Variants in H2AZ1 observed in about 807,000 individuals in gnomAD.
H2AZ1 encodes histone H2A.Z.
In H2AZ1, 3 loss-of-function variants were observed where a neutral mutation model predicts 16.6. The observed-to-expected ratio is 0.18, with a 90% CI of 0.08 to 0.47. The LOEUF is 0.47. Ranked by LOEUF, H2AZ1 falls within the 20% of genes least tolerant of loss-of-function variation. H2AZ1 has a pLI of 0.98. For missense variants in H2AZ1, 27 were observed against 163.6 expected, an observed-to-expected ratio of 0.17 and a Z score of 4.55; for synonymous variants, 78 against 60.7, an observed-to-expected ratio of 1.28 and a Z score of -1.32.
chr4:99,949,473 C>T (rs755657593), intron 2 of H2AZ1, 87 bp from the exon 3 acceptor site: 14 of 1,037,872 alleles, frequency 1.3e-5, no homozygotes, highest in Non-Finnish European at 2.1e-5. Context: ...GCAAGGGGCA[C>T]GGGCGCAGCA....
In H2AZ1 at chr4:99,948,563, T is replaced by A. The variant is rs190024711; in HGVS notation, c.326-40A>T. The A allele has an allele frequency of 1.3e-4, 206 of 1,604,952 alleles. No homozygotes were observed. The East Asian group carries it at 3.4e-3, about 26-fold the overall frequency. On this transcript the variant is annotated intron_variant, in intron 4 of 4. Coordinates refer to ENST00000296417, the MANE Select transcript of H2AZ1 (RefSeq NM_002106.4). ...GGAATTAATTCTACTTAAGATTTTT[T>A]AAAAAATCACAGTATTTGAAACCAA... is the stretch of plus-strand genomic sequence containing the variant.
chr4:99,949,429 G>T (rs771102298), intron 2 of H2AZ1, 43 bp from the exon 3 acceptor site: 17 of 1,297,132 alleles, frequency 1.3e-5, no homozygotes, highest in Non-Finnish European at 1.6e-5. Context: ...ACAAAAATGA[G>T]AACTAGAGAT....
At position 99,950,060 on chromosome 4, in the gene H2AZ1, T is replaced by C. The variant is rs112383138; in HGVS notation, c.3+108A>G. 1.0e-4 allele frequency: 107 copies of C among 1,064,850 alleles called. No individual in the cohort carries two copies. The East Asian group carries it at 2.3e-3, about 23-fold the overall frequency. The allele number at this position is 1,064,850 out of a possible 1,614,324, so 66.0% of individuals were successfully genotyped here. A position where few individuals can be genotyped will look rare whatever the true frequency, so the allele number is the denominator to read the frequency against. ...TCCCCCCACTCTTCTAAATCCTGTC[T>C]CCGCGCGTTCCCAACCGTCGCCACT... is the stretch of plus-strand genomic sequence containing the variant. On this transcript the variant is annotated intron_variant, in intron 1 of 4. Coordinates refer to ENST00000296417, the MANE Select transcript of H2AZ1 (RefSeq NM_002106.4).
Position 99,948,526 on chromosome 4 carries a change from A to G in H2AZ1, c.326-3T>C, listed in dbSNP as rs569620023. On this transcript the variant is annotated splice_region_variant and splice_polypyrimidine_tract_variant and intron_variant, in intron 4 of 4. Coordinates refer to ENST00000296417, the MANE Select transcript of H2AZ1 (RefSeq NM_002106.4). ...TTTGTGGATGTGTGGAATGACACCT[A>G]GGAGAGTGACAGGAATTAATTCTAC... The G allele has an allele frequency of 2.1e-5, 34 of 1,611,326 alleles. 1 individual carries two copies. The South Asian group carries it at 3.1e-4, about 15-fold the overall frequency.
chr4:99,949,567 C>T (rs1344007778), intron 2 of H2AZ1, 96 bp downstream of exon 2: 1 of 1,189,202 alleles, frequency 8.4e-7, no homozygotes, highest in Non-Finnish European at 1.3e-6. Context: ...GCATCACCCA[C>T]GCATACACAA....
rs760924394 is a variant in H2AZ1 at position 99,948,875 on chromosome 4, C to T, written c.261G>A (p.Leu87=). ...LKVKRITPRH[L]QLAIRGDEEL... ...CTTCATCTCCACGAATAGCAAGTTG[C>T]AAGTGACGAGGGGTAATACGCTTTA... is the stretch of plus-strand genomic sequence containing the variant. The change falls in exon 4 of 5, where the codon TTG becomes TTA. Residue 87 remains leucine, a synonymous_variant. Coordinates refer to ENST00000296417, the MANE Select transcript of H2AZ1 (RefSeq NM_002106.4). 1.5e-5 allele frequency: 25 copies of T among 1,613,474 alleles called. No individual in the cohort carries two copies. The highest frequency in any genetic ancestry group is 2.1e-5 in the Non-Finnish European group (25 of 1,179,542).
At chr4:99,949,478 G>T (rs759022301) in intron 2 of H2AZ1, 92 bp from the exon 3 acceptor site, 1 of 1,006,618 alleles carries the variant, frequency 9.9e-7, no homozygotes, top group Non-Finnish European at 1.6e-6. Flanking sequence ...GGGCACGGGC[G>T]CAGCAACGCG....
At chr4:99,949,408 A>C in intron 2 of H2AZ1, 22 bp from the exon 3 acceptor site, 2 of 1,415,138 alleles carry the variant, frequency 1.4e-6, no homozygotes, top group Non-Finnish European at 2.0e-6. Flanking sequence ...AGCATACACA[A>C]ACATAAATGC....
chr4:99,949,273 C>T lies in H2AZ1; in HGVS notation c.195G>A (p.Glu65=). The T allele has an allele frequency of 6.4e-7, 1 of 1,574,620 alleles. No individual in the cohort carries two copies. Among genetic ancestry groups the T allele is most frequent in the Non-Finnish European group, 8.7e-7 (1 of 1,145,668 alleles). The change falls in exon 3 of 5, where the codon GAG becomes GAA. Residue 65 remains glutamate (E), a splice_region_variant and synonymous_variant. Coordinates refer to ENST00000296417, the MANE Select transcript of H2AZ1 (RefSeq NM_002106.4). ...GGATTATAGGCGTTCACCCATTTAC[C>T]TCTGCGGTGAGGTACTCCAGGATGG... ...SAAILEYLTA[E]VLELAGNASK...
chr4:99,950,127 C>CA, intron 1 of H2AZ1, 41 bp downstream of exon 1: 4 of 1,603,604 alleles, frequency 2.5e-6, no homozygotes, highest in Non-Finnish European at 3.4e-6. Flanking sequence ...CTCTCGCCGG[C>CA]AAAAACCCGC....
At position 99,949,837 on chromosome 4, in the gene H2AZ1, AGC is replaced by A. The variant is rs982288843; in HGVS notation, c.4-99_4-98del. 3 of 953,304 alleles carry A rather than the reference AGC, an allele frequency of 3.1e-6. No homozygotes were observed. In the African/African-American group the frequency reaches 5.0e-5, roughly 16 times the overall value. The allele number at this position is 953,304 out of a possible 1,614,324, so 59.1% of individuals were successfully genotyped here. A position where few individuals can be genotyped will look rare whatever the true frequency, so the allele number is the denominator to read the frequency against. On this transcript the variant is annotated intron_variant, in intron 1 of 4. Coordinates refer to ENST00000296417, the MANE Select transcript of H2AZ1 (RefSeq NM_002106.4). ...CCCCACCGCGGCGCGTCCCGCCGCG[AGC>A]GCGTCCCCGCACCCTGCCGGGGTCT...
chr4:99,950,191 A>G lies in H2AZ1; in HGVS notation c.-21T>C. On this transcript the variant is annotated 5_prime_UTR_variant, in exon 1 of 5. Coordinates refer to ENST00000296417, the MANE Select transcript of H2AZ1 (RefSeq NM_002106.4). The stretch of plus-strand genomic sequence containing the variant: ...ACCATTTCGAATTCCGCTGAAGCTC[A>G]AGCAAGCAAGGCAGAGAAAAGGCTA... 1 of 1,607,330 alleles carries G rather than the reference A, an allele frequency of 6.2e-7. No individual in the cohort carries two copies. Among genetic ancestry groups the G allele is most frequent in the Non-Finnish European group, 8.5e-7 (1 of 1,176,676 alleles).
chr4:99,949,154 T>G, intron 3 of H2AZ1, 119 bp downstream of exon 3: 2 of 675,014 alleles, frequency 3.0e-6, no homozygotes, highest in Admixed American at 5.5e-5. Flanking sequence ...TCTAGCGTTC[T>G]CTTAGGCCTC....
rs1488245471 is a variant in H2AZ1 at position 99,948,878 on chromosome 4, G to A, written c.258C>T (p.His86=). 6.2e-7 allele frequency: 1 copy of A among 1,613,512 alleles called. No homozygotes were observed. Among genetic ancestry groups the A allele is most frequent in the Non-Finnish European group, 8.5e-7 (1 of 1,179,534 alleles). The change falls in exon 4 of 5, where the codon CAC becomes CAT. Residue 86 remains histidine (H), a synonymous_variant. Coordinates refer to ENST00000296417, the MANE Select transcript of H2AZ1 (RefSeq NM_002106.4). ...DLKVKRITPR[H]LQLAIRGDEE... is the part of the protein sequence containing the mutation. Reference sequence around the variant, plus strand: ...CATCTCCACGAATAGCAAGTTGCAAGTGACGAGGGGTAATACGCTTTACCT... The same window carrying A: ...CATCTCCACGAATAGCAAGTTGCAAATGACGAGGGGTAATACGCTTTACCT...
Position 99,950,003 on chromosome 4 carries a change from G to C in H2AZ1, c.3+165C>G. ...ACCGTCGCCGCCCGCCGCGAGATCC[G>C]AGGCTGCTCCGCTAGCAGCCGACAA... On this transcript the variant is annotated intron_variant, in intron 1 of 4. Transcript: ENST00000296417. 3 of 531,314 alleles carry C rather than the reference G, an allele frequency of 5.6e-6. No individual in the cohort carries two copies. In the South Asian group the frequency reaches 9.8e-5, roughly 17 times the overall value. 32.9% of individuals were successfully genotyped at this position (531,314 alleles called of 1,614,324 possible). A position where few individuals can be genotyped will look rare whatever the true frequency, so the allele number is the denominator to read the frequency against.
rs147202119 is a variant in H2AZ1, at chr4:99,949,279, G to C, written c.189C>G (p.Thr63=). The change falls in exon 3 of 5, where the codon ACC becomes ACG. Residue 63 remains threonine (T), a synonymous_variant. Transcript: ENST00000296417. ...TAGGCGTTCACCCATTTACCTCTGC[G>C]GTGAGGTACTCCAGGATGGCTGCGC... The part of the protein sequence containing the change: ...VYSAAILEYL[T]AEVLELAGNA... The C allele has an allele frequency of 6.3e-7, 1 of 1,586,822 alleles. No individual in the cohort carries two copies. Among genetic ancestry groups the C allele is most frequent in the Non-Finnish European group, 8.6e-7 (1 of 1,156,480 alleles).
intron 1 of H2AZ1, 127 bp downstream of exon 1, chr4:99,950,041 C>A (rs572977819): frequency 9.9e-5 from 85 of 859,836 alleles, no homozygotes; most frequent in African/African-American, 1.3e-4. Flanking sequence ...CACCTCCCCC[C>A]ACTCTTCTAA....
rs747804114 is a variant in H2AZ1 at position 99,948,413 on chromosome 4, G to A, written c.*49C>T. On this transcript the variant is annotated 3_prime_UTR_variant, in exon 5 of 5. Coordinates refer to ENST00000296417, the MANE Select transcript of H2AZ1 (RefSeq NM_002106.4). ...CCACTGGAATCACCAACACTGGACA[G>A]CTGTTAGAGTATTTAGAGTCCTGAG... 1 of 1,051,014 alleles carries A rather than the reference G, an allele frequency of 9.5e-7. No individual in the cohort carries two copies. Among genetic ancestry groups the A allele is most frequent in the South Asian group, 1.3e-5 (1 of 79,746 alleles). The allele number at this position is 1,051,014 out of a possible 1,614,324, so 65.1% of individuals were successfully genotyped here.
Position 99,950,150 on chromosome 4 carries a change from C to G in H2AZ1, c.3+18G>C, listed in dbSNP as rs758584043. 1 of 1,608,324 alleles carries G rather than the reference C, an allele frequency of 6.2e-7. No individual in the cohort carries two copies. Among genetic ancestry groups the G allele is most frequent in the Non-Finnish European group, 8.5e-7 (1 of 1,177,164 alleles). On this transcript the variant is annotated intron_variant, in intron 1 of 4. Transcript: ENST00000296417. ...GGCAAAAACCCGCGGAGTCATCGAG[C>G]GTCTCTGCGAAGTTTACCATTTCGA...
Sources: allele counts gnomAD v4.1 joint callset, GRCh38; gene constraint gnomAD v4.1.1; transcripts MANE v1.5; gene names NCBI Gene and HGNC (gene_info 2026-07-23, HGNC 2026-07-21).